COQ8A: variants seen among roughly 807,000 people sequenced by gnomAD.
COQ8A encodes atypical kinase COQ8A, mitochondrial.
Under a neutral mutation model 65.0 loss-of-function variants are expected in COQ8A, and 51 were observed. The observed-to-expected ratio is 0.78, with a 90% CI of 0.63 to 0.99. COQ8A has a LOEUF of 0.99. Among genes scored for constraint, COQ8A ranks in the 50% least tolerant of loss-of-function variants. The pLI is 0.00. For missense variants in COQ8A, 940 were observed against 875.0 expected, an observed-to-expected ratio of 1.07 and a Z score of -0.94; for synonymous variants, 371 against 353.2, an observed-to-expected ratio of 1.05 and a Z score of -0.57.
intron 1 of COQ8A, among the ~76,000 whole-genome samples, chr1:226,942,981 A>C (rs1235993525): frequency 6.6e-6 from 1 of 152,212 alleles, no homozygotes; most frequent in Non-Finnish European, 1.5e-5. Context: ...TGCACAGGGC[A>C]AGGAAAACCA....
In COQ8A at chr1:226,986,553, T is replaced by C; in HGVS notation, c.1760T>C (p.Ile587Thr). Residue 587 changes from isoleucine to threonine, a missense_variant, in exon 15 of 15, where the codon ATC (isoleucine) becomes ACC (threonine). Physicochemically the swap from Ile to Thr is moderately conservative, Grantham distance 89. Transcript: ENST00000366777. ...GGCACTCAGAGCACCACCGAGAAGA[T>C]CCACAACCTGATTCCCGTCATGCTG... ...DFGTQSTTEK[I>T]HNLIPVMLRH... 2 of 1,613,508 alleles carry C rather than the reference T, an allele frequency of 1.2e-6. No homozygotes were observed. The highest frequency in any genetic ancestry group is 1.7e-6 in the Non-Finnish European group (2 of 1,179,922).
In COQ8A at chr1:226,977,457, G is replaced by T; in HGVS notation, c.664G>T (p.Val222Leu). 2 of 1,564,188 alleles carry T rather than the reference G, an allele frequency of 1.3e-6. No homozygotes were observed. The highest frequency in any genetic ancestry group is 1.7e-6 in the Non-Finnish European group (2 of 1,154,594). Residue 222 changes from valine to leucine, a missense_variant, in exon 5 of 15, where the codon GTG becomes TTG. Coordinates refer to ENST00000366777, the MANE Select transcript of COQ8A (RefSeq NM_020247.5). Reference protein sequence around the residue: ...GRLANFGGLAVGLGFGALAEV... With the variant: ...GRLANFGGLALGLGFGALAEV... ...CCCCCTCCTCCTTGCAGGTCTGGCC[G>T]TGGGCCTGGGCTTCGGGGCACTGGC...
intron 4 of COQ8A, among the ~76,000 whole-genome samples, chr1:226,969,627 G>C (rs761515228): frequency 1.1e-4 from 16 of 151,968 alleles, no homozygotes; most frequent in Non-Finnish European, 2.2e-4. Flanking sequence ...CTCATTGTCT[G>C]ATATTACTAT....
chr1:226,982,511 CTGAG>C lies in COQ8A; in HGVS notation c.854-164_854-161del. 7 of 777,922 alleles carry C rather than the reference CTGAG, an allele frequency of 9.0e-6. No homozygotes were observed. In the South Asian group the frequency reaches 1.0e-4, roughly 11 times the overall value. 48.2% of individuals were successfully genotyped at this position (777,922 alleles called of 1,614,324 possible). On this transcript the variant is annotated intron_variant, in intron 6 of 14. Transcript: ENST00000366777. ...GGCGGAGGCTGGGGCTCCCGGGAAG[CTGAG>C]TGGCCGAGGGCGTGTGTGCGAGGGC...
chr1:226,982,845 T>C (rs755085443), intron 7 of COQ8A, 49 bp from the exon 8 acceptor site: 29 of 1,612,470 alleles, frequency 1.8e-5, no homozygotes, highest in Non-Finnish European at 2.4e-5. Context: ...CTTCTCCCGG[T>C]GGCCCAGGCA....
Position 226,965,229 on chromosome 1 carries a change from C to G in COQ8A, c.407C>G (p.Ser136Cys). Residue 136 changes from serine (S) to cysteine (C), a missense_variant, in exon 3 of 15, where the codon TCC (serine) becomes TGC (cysteine). Transcript: ENST00000366777. Reference sequence around the variant, plus strand: ...GCCGGGTTCCCCGGCCAGGCCTCCTCCCCTCTGGGCAGGGCCAACGGGAGG... The same window carrying G: ...GCCGGGTTCCCCGGCCAGGCCTCCTGCCCTCTGGGCAGGGCCAACGGGAGG... ...REAGFPGQASSPLGRANGRLF... is the reference protein window; with the variant it reads ...REAGFPGQASCPLGRANGRLF... 2 of 1,613,962 alleles carry G rather than the reference C, an allele frequency of 1.2e-6. No individual in the cohort carries two copies. The highest frequency in any genetic ancestry group is 1.1e-5 in the South Asian group (1 of 91,076).
At position 226,982,699 on chromosome 1, in the gene COQ8A, A is replaced by G; in HGVS notation, c.875A>G (p.His292Arg). The change falls in exon 7 of 15, where the codon CAC (histidine) becomes CGC (arginine). Residue 292 changes from histidine to arginine, a missense_variant. Coordinates refer to ENST00000366777, the MANE Select transcript of COQ8A (RefSeq NM_020247.5). ...SIQDDAFINPHLAKIFERVRQ... is the reference protein window; with the variant it reads ...SIQDDAFINPRLAKIFERVRQ... ...CCAGATGATGCCTTTATCAACCCCC[A>G]CCTGGCTAAGATCTTCGAGCGGGTG... is the stretch of plus-strand genomic sequence containing the variant. 1 of 1,613,360 alleles carries G rather than the reference A, an allele frequency of 6.2e-7. No homozygotes were observed. The highest frequency in any genetic ancestry group is 8.5e-7 in the Non-Finnish European group (1 of 1,179,970).
At position 226,973,764 on chromosome 1, in the gene COQ8A, T is replaced by G. The variant is rs867362882; in HGVS notation, c.656-3685T>G. On this transcript the variant is annotated intron_variant, in intron 4 of 14. Transcript: ENST00000366777. Reference sequence around the variant, plus strand: ...GAACACCTTGAAGCAAAGGGAAGCCTCCTGGGCTGCTGCATTTTCTGTGGG... The same window carrying G: ...GAACACCTTGAAGCAAAGGGAAGCCGCCTGGGCTGCTGCATTTTCTGTGGG... Among the ~76,000 whole-genome samples, 183 of 152,254 alleles carry G rather than the reference T, an allele frequency of 1.2e-3. 1 individual carries two copies. The highest frequency in any genetic ancestry group is 4.2e-3 in the African/African-American group (174 of 41,474).
chr1:226,953,768 C>T lies in COQ8A; in HGVS notation c.-9-7609C>T, dbSNP rs116563870. Among the ~76,000 whole-genome samples, 921 of 152,252 alleles carry T rather than the reference C, an allele frequency of 6.0e-3. 12 individuals are homozygous for T. The highest frequency in any genetic ancestry group is 0.021 in the African/African-American group (866 of 41,520). On this transcript the variant is annotated intron_variant, in intron 1 of 14. Transcript: ENST00000366777. ...TGACAGAGACCCTGAAGCTGGACCT[C>T]GCGAGATAGAAGCCGGGAGTTGCCC...
At position 226,985,306 on chromosome 1, in the gene COQ8A, T is replaced by C. The variant is rs1660027067; in HGVS notation, c.1625T>C (p.Ile542Thr). 2 of 1,613,684 alleles carry C rather than the reference T, an allele frequency of 1.2e-6. No individual in the cohort carries two copies. The highest frequency in any genetic ancestry group is 1.6e-4 in the Middle Eastern group (1 of 6,062). The stretch of plus-strand genomic sequence containing the variant: ...AGGGAGACTGTGCGGGCGAAATCCA[T>C]AGAGATGAAGTTCCTCACCGGCTAC... Reference protein sequence around the residue: ...RDRETVRAKSIEMKFLTGYEV... With the variant: ...RDRETVRAKSTEMKFLTGYEV... Residue 542 changes from isoleucine to threonine, a missense_variant, in exon 14 of 15, where the codon ATA (isoleucine) becomes ACA (threonine). Transcript: ENST00000366777.
At chr1:226,944,622 A>G (rs1406719618) in intron 1 of COQ8A, among the ~76,000 whole-genome samples, 1 of 143,166 alleles carries the variant, frequency 7.0e-6, no homozygotes, top group African/African-American at 2.5e-5. Context: ...CTTCTGTTTA[A>G]TGTGAGAGGG....
rs759594823 is a variant in COQ8A at position 226,986,423 on chromosome 1, C to T, written c.1660-30C>T. 35 of 1,608,382 alleles carry T rather than the reference C, an allele frequency of 2.2e-5. No homozygotes were observed. The African/African-American group carries it at 2.7e-4, about 12-fold the overall frequency. On this transcript the variant is annotated intron_variant, in intron 14 of 14. Transcript: ENST00000366777. ...GCTGGTGGAGGGCTCTGGTGTCTCG[C>T]CGCCATTTATCCTTCCTCTCTTGCC... is the stretch of plus-strand genomic sequence containing the variant.
At chr1:226,945,999 C>T (rs945573042) in intron 1 of COQ8A, among the ~76,000 whole-genome samples, 6 of 152,060 alleles carry the variant, frequency 3.9e-5, no homozygotes, top group African/African-American at 7.2e-5. Flanking sequence ...TCAGCCTCCT[C>T]GGTGGTCTCT....
chr1:226,986,988 GA>G lies in COQ8A; in HGVS notation c.*252del. 5.3e-6 allele frequency: 3 copies of G among 563,562 alleles called. No individual in the cohort carries two copies. Among genetic ancestry groups the G allele is most frequent in the Non-Finnish European group, 9.5e-6 (3 of 315,694 alleles). 34.9% of individuals were successfully genotyped at this position (563,562 alleles called of 1,614,324 possible). ...CTCCGTGTGTCCTCTGAAATAAGCA[GA>G]TGAAGATGAAAGGGCAACTTTGTTT... is the stretch of plus-strand genomic sequence containing the variant. On this transcript the variant is annotated 3_prime_UTR_variant, in exon 15 of 15. Transcript: ENST00000366777.
At chr1:226,977,961 A>T (rs1238943209) in intron 5 of COQ8A, among the ~76,000 whole-genome samples, 4 of 115,410 alleles carry the variant, frequency 3.5e-5, no homozygotes, top group African/African-American at 1.4e-4. Flanking sequence ...CACCTTACAT[A>T]CCCCTTGCAC....
chr1:226,945,619 C>T (rs1377231361), intron 1 of COQ8A, among the ~76,000 whole-genome samples: 2 of 152,222 alleles, frequency 1.3e-5, no homozygotes, highest in South Asian at 2.1e-4. Context: ...AAGGTGTTTA[C>T]AGCCAGCATG....
intron 8 of COQ8A, 86 bp downstream of exon 8, chr1:226,983,120 C>T (rs1053960343): frequency 6.7e-7 from 1 of 1,498,686 alleles, no homozygotes. Flanking sequence ...CTCTACACCC[C>T]ACGTCCCGCA....
intron 14 of COQ8A, 101 bp from the exon 15 acceptor site, chr1:226,986,352 C>G (rs1572088868): frequency 2.2e-6 from 3 of 1,338,570 alleles, no homozygotes; most frequent in East Asian, 4.6e-5. Flanking sequence ...TACAGCAGAG[C>G]TTTGAATGAG....
At position 226,940,985 on chromosome 1, in the gene COQ8A, C is replaced by G. The variant is rs145874258; in HGVS notation, c.-10+586C>G. Among the ~76,000 whole-genome samples, 7 of 152,324 alleles carry G rather than the reference C, an allele frequency of 4.6e-5. No homozygotes were observed. In the East Asian group the frequency reaches 9.7e-4, roughly 21 times the overall value. On this transcript the variant is annotated intron_variant, in intron 1 of 14. Coordinates refer to ENST00000366777, the MANE Select transcript of COQ8A (RefSeq NM_020247.5). ...CTTTCGCTTTTCTTTGGCCTTTCCT[C>G]TTCTCCAAACTCTGGGGGGTCTTGT... is the stretch of plus-strand genomic sequence containing the variant.
Sources: gnomAD v4.1 joint callset for allele counts (sites outside exome capture counted in the v4.1 genomes callset) on GRCh38, gnomAD v4.1.1 for gene constraint, MANE v1.5 for transcripts, NCBI Gene and HGNC (gene_info 2026-07-23, HGNC 2026-07-21) for gene names.